Variants in SMARCA4 observed in about 807,000 individuals in gnomAD.
SMARCA4 encodes SWI/SNF-related matrix-associated actin-dependent regulator of chromatin subfamily A member 4.
Under a neutral mutation model 193.9 loss-of-function variants are expected in SMARCA4, and 31 were observed. That is an observed-to-expected ratio of 0.16 (90% CI 0.12 to 0.22). The LOEUF is 0.22. SMARCA4 is among the 10% of genes least tolerant of loss of function. The pLI, the probability that SMARCA4 is intolerant of heterozygous loss-of-function variation, is 1.00. For missense variants in SMARCA4, 1,148 were observed against 2,296.0 expected (o/e 0.50, Z 10.22); for synonymous variants, 942 against 933.1 (o/e 1.01, Z -0.17).
intron 1 of SMARCA4, among the ~76,000 whole-genome samples, chr19:10,970,027 C>T (rs1375229486): frequency 5.3e-5 from 8 of 152,200 alleles, no homozygotes; most frequent in Admixed American, 5.2e-4. Flanking sequence ...CTTTGCGCCA[C>T]ATGTCATAGG....
In SMARCA4 at chr19:11,019,203, A is replaced by T. The variant is rs2089641043; in HGVS notation, c.2505+180A>T. On this transcript the variant is annotated intron_variant, in intron 17 of 34. Transcript: ENST00000344626. This position sits in a 1 kb window ranked among gnomAD's most constrained non-coding sequence, Gnocchi z 6.1. ...ATCCGGGAGTTTGGACTGGGCAGGG[A>T]CAGGGCAGATTAGCTCACTGGGGAG... 1.5e-6 allele frequency: 1 copy of T among 689,624 alleles called. No individual in the cohort carries two copies. Among genetic ancestry groups the T allele is most frequent in the Admixed American group, 2.0e-5 (1 of 49,498 alleles). 42.7% of individuals were successfully genotyped at this position (689,624 alleles called of 1,614,324 possible).
chr19:11,046,579 G>C (rs991567153), intron 30 of SMARCA4, among the ~76,000 whole-genome samples: 7 of 152,222 alleles, frequency 4.6e-5, no homozygotes, highest in South Asian at 2.1e-4. Flanking sequence ...CACAGCAGGC[G>C]TGGGTCTGTC....
intron 7 of SMARCA4, among the ~76,000 whole-genome samples, chr19:10,990,117 GT>G (rs1306376672): frequency 1.8e-4 from 27 of 152,054 alleles, no homozygotes; most frequent in African/African-American, 6.5e-4. Flanking sequence ...AGCCTCCTGA[GT>G]AGCTGGGACT....
At chr19:11,045,155 C>G (rs984099425) in intron 30 of SMARCA4, among the ~76,000 whole-genome samples, 1 of 152,152 alleles carries the variant, frequency 6.6e-6, no homozygotes. Context: ...ACCGTCTCTA[C>G]TAAAAATACA....
chr19:10,962,485 A>G (rs1486680957), intron 1 of SMARCA4, among the ~76,000 whole-genome samples: 1 of 152,008 alleles, frequency 6.6e-6, no homozygotes, highest in Non-Finnish European at 1.5e-5. Flanking sequence ...GATCGGTGGT[A>G]GCCAGAGATC....
At position 11,013,823 on chromosome 19, in the gene SMARCA4, T is replaced by C. The variant is rs1266342949; in HGVS notation, c.2438+711T>C. On this transcript the variant is annotated intron_variant, in intron 16 of 34. Transcript: ENST00000344626. ...CGGGCACATCCCAGCATGGCCCAGG[T>C]CCTTGGGCATGGTGGGATCCGGACA... Among the ~76,000 whole-genome samples, 3 of 152,098 alleles carry C rather than the reference T, an allele frequency of 2.0e-5. No homozygotes were observed. The East Asian group carries it at 5.8e-4, about 29-fold the overall frequency.
In SMARCA4 at chr19:11,035,149, C is replaced by A. The variant is rs145829956; in HGVS notation, c.4170+17C>A. 3 of 1,602,646 alleles carry A rather than the reference C, an allele frequency of 1.9e-6. No individual in the cohort carries two copies. Among genetic ancestry groups the A allele is most frequent in the East Asian group, 2.2e-5 (1 of 44,510 alleles). On this transcript the variant is annotated intron_variant, in intron 29 of 34. Transcript: ENST00000344626. ...TGGCTCAAGGTACATGCTGGAGAGGCCCAGCAGCTGCCGCAGGCCAGCGCC... is the reference window on the plus strand; with the variant it reads ...TGGCTCAAGGTACATGCTGGAGAGGACCAGCAGCTGCCGCAGGCCAGCGCC...
intron 14 of SMARCA4, 21 bp from the exon 15 acceptor site, chr19:11,010,360 G>T (rs1038846919): frequency 3.7e-6 from 6 of 1,613,378 alleles, no homozygotes; most frequent in Non-Finnish European, 5.1e-6. Context: ...TCCTTACCCG[G>T]CACCTCCATC....
chr19:11,034,158 C>T lies in SMARCA4; in HGVS notation c.3909C>T (p.Asn1303=), dbSNP rs2146678574. The stretch of plus-strand genomic sequence containing the variant: ...AGGTGCCCGACGACGAGACCGTCAA[C>T]CAGATGATCGCCCGGCACGAGGAGG... ...EDEVPDDETV[N]QMIARHEEEF... Residue 1303 remains asparagine, a synonymous_variant, in exon 28 of 35, where the codon AAC becomes AAT. Transcript: ENST00000344626. The surrounding 1 kb of genome is among the most constrained non-coding windows in gnomAD (Gnocchi z 7.0). 1 of 1,613,860 alleles carries T rather than the reference C, an allele frequency of 6.2e-7. No homozygotes were observed. Among genetic ancestry groups the T allele is most frequent in the Non-Finnish European group, 8.5e-7 (1 of 1,179,986 alleles).
intron 16 of SMARCA4, chr19:11,016,146 A>AGGAGGCGAG (rs757081331): frequency 2.6e-5 from 4 of 152,244 alleles, no homozygotes; most frequent in Non-Finnish European, 4.4e-5. Context: ...ATGGGGAGGG[A>AGGAGGCGAG]GGAGGCGAGG....
intron 29 of SMARCA4, among the ~76,000 whole-genome samples, chr19:11,038,956 T>A (rs371612141): frequency 1.3e-5 from 2 of 152,312 alleles, no homozygotes; most frequent in East Asian, 1.9e-4. Flanking sequence ...CCTGGCAGCT[T>A]GTGCCTGTAA....
At chr19:10,976,915 G>T (rs1008734516) in intron 1 of SMARCA4, among the ~76,000 whole-genome samples, 1 of 152,056 alleles carries the variant, frequency 6.6e-6, no homozygotes, top group Non-Finnish European at 1.5e-5. Flanking sequence ...AAATTAGCCA[G>T]GTTCGGCAGT....
intron 11 of SMARCA4, among the ~76,000 whole-genome samples, chr19:10,996,745 A>G (rs1380700363): frequency 6.7e-6 from 1 of 149,484 alleles, no homozygotes; most frequent in Non-Finnish European, 1.5e-5. Flanking sequence ...TTTTCTATGC[A>G]TGTGCCACAG....
chr19:11,055,769 A>G (rs2076511566), intron 30 of SMARCA4, among the ~76,000 whole-genome samples: 1 of 151,352 alleles, frequency 6.6e-6, no homozygotes, highest in East Asian at 2.0e-4. Flanking sequence ...TTTTTCCCCC[A>G]GTCAAATAGA....
chr19:11,008,389 C>CAGACAAA (rs1279796071), intron 14 of SMARCA4: 2 of 352,238 alleles, frequency 5.7e-6, no homozygotes, highest in Non-Finnish European at 1.1e-5. Context: ...GCAAAATGTG[C>CAGACAAA]ATATTTTTGT....
intron 29 of SMARCA4, chr19:11,039,690 T>C (rs1044762544): frequency 1.3e-4 from 57 of 433,132 alleles, no homozygotes; most frequent in Non-Finnish European, 2.1e-4. Context: ...TATATTTTTT[T>C]AAATGCCCAG....
chr19:10,979,727 T>C (rs1760785234), intron 1 of SMARCA4, among the ~76,000 whole-genome samples: 1 of 150,812 alleles, frequency 6.6e-6, no homozygotes, highest in South Asian at 2.1e-4. Context: ...TATTATATAA[T>C]ATATGTATTA....
chr19:10,966,376 A>G (rs1056539713), intron 1 of SMARCA4, among the ~76,000 whole-genome samples: 1 of 151,876 alleles, frequency 6.6e-6, no homozygotes, highest in African/African-American at 2.4e-5. Flanking sequence ...AAATCACTTG[A>G]TCCCAGGAAT....
At position 11,058,799 on chromosome 19, in the gene SMARCA4, C is replaced by T. The variant is rs1600635214; in HGVS notation, c.4545C>T (p.Arg1515=). ...CCCGTCCACTGCAGGAGCGCATTCGCAACCACAAGTACCGCAGCCTCAACG... is the reference window on the plus strand; with the variant it reads ...CCCGTCCACTGCAGGAGCGCATTCGTAACCACAAGTACCGCAGCCTCAACG... ...VDFKKIKERI[R]NHKYRSLNDL... The change falls in exon 32 of 35, where the codon CGC becomes CGT. Residue 1515 remains arginine, a synonymous_variant. Coordinates refer to ENST00000344626, the MANE Select transcript of SMARCA4 (RefSeq NM_003072.5). This position sits in a 1 kb window ranked among gnomAD's most constrained non-coding sequence, Gnocchi z 5.8. 1 of 1,614,122 alleles carries T rather than the reference C, an allele frequency of 6.2e-7. No homozygotes were observed. Among genetic ancestry groups the T allele is most frequent in the South Asian group, 1.1e-5 (1 of 91,084 alleles).
Sources: allele counts gnomAD v4.1 joint callset (sites outside exome capture counted in the v4.1 genomes callset), GRCh38; gene constraint gnomAD v4.1.1; non-coding constraint Gnocchi (gnomAD v3.1); transcripts MANE v1.5; gene names NCBI Gene and HGNC (gene_info 2026-07-23, HGNC 2026-07-21).